The following PRKACA variants were observed in gnomAD, a reference collection of about 807,000 sequenced individuals.
PRKACA encodes the protein cAMP-dependent protein kinase catalytic subunit alpha.
PRKACA carries 9 observed loss-of-function variants against 45.8 expected under a neutral mutation model. The observed-to-expected ratio is 0.20, with a 90% CI of 0.12 to 0.34. The LOEUF is 0.34. PRKACA is among the 10% of genes least tolerant of loss of function. The pLI, the probability that PRKACA is intolerant of heterozygous loss-of-function variation, is 1.00. For missense variants in PRKACA, 238 were observed against 458.6 expected, an observed-to-expected ratio of 0.52 and a Z score of 4.39; for synonymous variants, 160 against 178.6, an observed-to-expected ratio of 0.90 and a Z score of 0.83.
At chr19:14,103,018 C>T (rs1977492378) in intron 3 of PRKACA, 104 bp from the exon 4 acceptor site, 7 of 894,354 alleles carry the variant, frequency 7.8e-6, no homozygotes, top group Admixed American at 1.8e-5. Flanking sequence ...CCGGTTCCTT[C>T]AGCCAGAATC....
rs1599331183 is a variant in PRKACA, at chr19:14,092,924, C to A, written c.*188G>T. The A allele has an allele frequency of 1.5e-6, 1 of 663,562 alleles. No individual in the cohort carries two copies. Among genetic ancestry groups the A allele is most frequent in the Non-Finnish European group, 2.4e-6 (1 of 414,666 alleles). The allele number at this position is 663,562 out of a possible 1,614,324, so 41.1% of individuals were successfully genotyped here. The stretch of plus-strand genomic sequence containing the variant: ...GGAGGGTGAAGGGGATGAGGGGGAG[C>A]AGCTGGTGTTTCTGTCCCTCTGATT... On this transcript the variant is annotated 3_prime_UTR_variant, in exon 10 of 10. Transcript: ENST00000308677.
intron 1 of PRKACA, among the ~76,000 whole-genome samples, chr19:14,113,894 C>T (rs964913972): frequency 9.2e-5 from 14 of 152,310 alleles, no homozygotes; most frequent in African/African-American, 3.1e-4. Flanking sequence ...TCCACCACCC[C>T]TCTCTGAGCT....
At chr19:14,105,329 T>C (rs1156439772) in intron 3 of PRKACA, among the ~76,000 whole-genome samples, 3 of 151,988 alleles carry the variant, frequency 2.0e-5, no homozygotes, top group Admixed American at 6.6e-5. Flanking sequence ...CTGACCAACA[T>C]GGTGAAACCC....
chr19:14,110,031 C>T (rs1195791632), intron 1 of PRKACA, among the ~76,000 whole-genome samples: 9 of 122,954 alleles, frequency 7.3e-5, no homozygotes, highest in Admixed American at 3.5e-4. Context: ...TAGGGAGAGC[C>T]GGGAACGGTG....
intron 1 of PRKACA, chr19:14,112,145 G>A (rs952303242): frequency 1.3e-5 from 2 of 153,078 alleles, no homozygotes; most frequent in African/African-American, 4.8e-5. Flanking sequence ...ATGGGGCATG[G>A]GGGAGGCCAG....
At chr19:14,107,291 C>G in intron 2 of PRKACA, 57 bp downstream of exon 2, 1 of 1,529,848 alleles carries the variant, frequency 6.5e-7, no homozygotes, top group African/African-American at 1.4e-5. Context: ...GGGACACAGC[C>G]AGGGGCTGGG....
chr19:14,093,879 A>G (rs1977169131), intron 8 of PRKACA, 87 bp from the exon 9 acceptor site: 2 of 1,393,776 alleles, frequency 1.4e-6, no homozygotes, highest in South Asian at 1.4e-5. Flanking sequence ...CAACGGTCCT[A>G]CTGGGTGTGG....
At chr19:14,116,081 A>G (rs1211355759) in intron 1 of PRKACA, among the ~76,000 whole-genome samples, 2 of 152,060 alleles carry the variant, frequency 1.3e-5, no homozygotes, top group African/African-American at 4.8e-5. Context: ...TGGCTTTCAT[A>G]CCTTTCTGGG....
intron 5 of PRKACA, among the ~76,000 whole-genome samples, chr19:14,100,468 T>C (rs890349211): frequency 6.6e-6 from 1 of 152,046 alleles, no homozygotes; most frequent in African/African-American, 2.4e-5. Flanking sequence ...CAGCTCAGTT[T>C]TGTATTTTTA....
At chr19:14,106,738 G>C in intron 3 of PRKACA, 22 bp downstream of exon 3, 1 of 1,613,906 alleles carries the variant, frequency 6.2e-7, no homozygotes, top group Non-Finnish European at 8.5e-7. Flanking sequence ...GGCAGGCCCT[G>C]AGCGAGGACA....
intron 1 of PRKACA, among the ~76,000 whole-genome samples, chr19:14,117,168 G>T (rs1233857598): frequency 1.3e-5 from 2 of 149,974 alleles, no homozygotes; most frequent in African/African-American, 4.9e-5. Flanking sequence ...GAAGTGGGGG[G>T]ATTAGAATCT....
chr19:14,117,598 T>A lies in PRKACA; in HGVS notation c.-51A>T. 7.2e-6 allele frequency: 7 copies of A among 974,314 alleles called. No homozygotes were observed. Among genetic ancestry groups the A allele is most frequent in the Non-Finnish European group, 8.5e-6 (7 of 818,984 alleles). 60.4% of individuals were successfully genotyped at this position (974,314 alleles called of 1,614,324 possible). ...CCCGGAGCTGCGGCGCGGCGGGTGC[T>A]GGCTGCGGCCGGCGGCCCCGGAGCG... On this transcript the variant is annotated 5_prime_UTR_variant, in exon 1 of 10. Transcript: ENST00000308677.
chr19:14,098,603 C>T (rs1186039630), intron 5 of PRKACA: 4 of 151,610 alleles, frequency 2.6e-5, no homozygotes, highest in Non-Finnish European at 5.9e-5. Flanking sequence ...ACAAGTGATT[C>T]TCTTGCCTCA....
chr19:14,114,869 C>T (rs921571417), intron 1 of PRKACA, among the ~76,000 whole-genome samples: 1 of 152,164 alleles, frequency 6.6e-6, no homozygotes, highest in Admixed American at 6.5e-5. Context: ...GAGATGGTAC[C>T]ACAGGGGACT....
chr19:14,099,442 CT>C (rs879512820), intron 5 of PRKACA, among the ~76,000 whole-genome samples: 299 of 142,762 alleles, frequency 2.1e-3, no homozygotes, highest in Non-Finnish European at 2.1e-3. Context: ...CTTATGCAGT[CT>C]TTTTTTTTTT....
At chr19:14,114,226 T>C in intron 1 of PRKACA, 2 of 1,577,522 alleles carry the variant, frequency 1.3e-6, no homozygotes, top group East Asian at 2.3e-5. Flanking sequence ...CCGTGTCTGT[T>C]CGGCTGTCTG....
At chr19:14,096,131 T>G (rs946443429) in intron 8 of PRKACA, among the ~76,000 whole-genome samples, 1 of 145,430 alleles carries the variant, frequency 6.9e-6, no homozygotes, top group Non-Finnish European at 1.5e-5. Flanking sequence ...CTCCGCCTCC[T>G]GGGTTCAAGT....
intron 1 of PRKACA, among the ~76,000 whole-genome samples, chr19:14,111,168 C>T (rs1020168013): frequency 2.3e-4 from 35 of 152,194 alleles, no homozygotes; most frequent in African/African-American, 8.2e-4. Flanking sequence ...GAGGCTGAGA[C>T]AGGCAGATCA....
chr19:14,106,932 C>A, intron 2 of PRKACA, 44 bp from the exon 3 acceptor site: 1 of 1,609,410 alleles, frequency 6.2e-7, no homozygotes, highest in East Asian at 2.2e-5. Context: ...GCCCTCCCCG[C>A]GGCCTGCTTG....
Sources: allele counts gnomAD v4.1 joint callset (sites outside exome capture counted in the v4.1 genomes callset), GRCh38; gene constraint gnomAD v4.1.1; transcripts MANE v1.5; gene names NCBI Gene and HGNC (gene_info 2026-07-23, HGNC 2026-07-21).